Variants in ERI1 observed in about 807,000 individuals in gnomAD.
ERI1 encodes the protein exoribonuclease 1.
In ERI1, 39 loss-of-function variants were observed where a neutral mutation model predicts 39.7. That is an observed-to-expected ratio of 0.98 (90% CI 0.76 to 1.28). The LOEUF is 1.28. ERI1 is among the 50% of genes most tolerant of loss of function. The pLI is 0.00. For synonymous variants in ERI1, 204 were observed against 149.6 expected (o/e 1.36, Z -2.65); for missense variants, 581 against 416.9 (o/e 1.39, Z -3.43).
At chr8:9,039,334 A>G (rs1482441711) in intron 3 of ERI1, among the ~76,000 whole-genome samples, 1 of 152,214 alleles carries the variant, frequency 6.6e-6, no homozygotes, top group Non-Finnish European at 1.5e-5. Flanking sequence ...TCATTTCATG[A>G]TACATGTTCA....
intron 3 of ERI1, among the ~76,000 whole-genome samples, chr8:9,084,214 T>G (rs1799457457): frequency 6.6e-6 from 1 of 152,120 alleles, no homozygotes; most frequent in Admixed American, 6.5e-5. Context: ...GCAGTGAGCT[T>G]TCGTGGCATT....
At chr8:9,047,872 T>C (rs544580589) in intron 3 of ERI1, among the ~76,000 whole-genome samples, 92 of 152,218 alleles carry the variant, frequency 6.0e-4, no homozygotes, top group Non-Finnish European at 1.1e-3. Flanking sequence ...GGTGCACGAG[T>C]GCACACACGC....
At chr8:9,035,063 G>T (rs1429193477), downstream of ERI1, among the ~76,000 whole-genome samples, 1 of 152,234 alleles carries the variant, frequency 6.6e-6, no homozygotes, top group East Asian at 1.9e-4. Flanking sequence ...GGAAGCTGCA[G>T]AAGAAAAATT....
intron 3 of ERI1, among the ~76,000 whole-genome samples, chr8:9,055,269 T>C (rs1310133661): frequency 6.6e-6 from 1 of 152,340 alleles, no homozygotes; most frequent in Non-Finnish European, 1.5e-5. Flanking sequence ...AACTCAGTGA[T>C]TGGCACAAGA....
At chr8:9,063,260 G>A (rs1398769089) in intron 3 of ERI1, among the ~76,000 whole-genome samples, 2 of 152,138 alleles carry the variant, frequency 1.3e-5, no homozygotes, top group East Asian at 1.9e-4. Flanking sequence ...GCCATGAACT[G>A]GGCTGGGTTT....
intron 3 of ERI1, among the ~76,000 whole-genome samples, chr8:9,095,489 TTG>T (rs1218931838): frequency 9.4e-6 from 1 of 106,122 alleles, no homozygotes; most frequent in Non-Finnish European, 2.2e-5. Context: ...TCTTTTGTTG[TTG>T]TTGTTTGTTT....
chr8:9,033,479 C>G (rs999693901), downstream of ERI1: 1 of 152,148 alleles, frequency 6.6e-6, no homozygotes, highest in Admixed American at 6.5e-5. Context: ...GAAAGTTTGC[C>G]TACCCTTACC....
At chr8:9,082,803 G>GAGAT in intron 3 of ERI1, among the ~76,000 whole-genome samples, 1 of 152,298 alleles carries the variant, frequency 6.6e-6, no homozygotes, top group Middle Eastern at 3.4e-3. Context: ...AGTGAATGAT[G>GAGAT]AGATGCCCGA....
At position 9,044,990 on chromosome 8, in the gene ERI1, C is replaced by T. The variant is rs576156554; in HGVS notation, n.299+24526C>T. 3.9e-5 allele frequency among the ~76,000 whole-genome samples: 6 copies of T among 152,226 alleles called. 1 individual carries two copies. Among genetic ancestry groups the T allele is most frequent in the African/African-American group, 1.2e-4 (5 of 41,546 alleles). ...TGGTGGCTCAAGCCTGTAATCCCAGCACTTTGGGAGGCCGAGTCAGGCGGA... is the reference window on the plus strand; with the variant it reads ...TGGTGGCTCAAGCCTGTAATCCCAGTACTTTGGGAGGCCGAGTCAGGCGGA... On this transcript the variant is annotated intron_variant and non_coding_transcript_variant, in intron 3 of 3. Transcript: ENST00000518663.
intron 3 of ERI1, among the ~76,000 whole-genome samples, chr8:9,014,765 C>T (rs564513373): frequency 1.3e-5 from 2 of 152,226 alleles, no homozygotes; most frequent in African/African-American, 4.8e-5. Flanking sequence ...CTGTGATATG[C>T]AGTTAAGTGG....
chr8:9,032,973 T>G lies in ERI1; in HGVS notation c.*2939T>G, dbSNP rs1294695197. ...CTCCTCGAGACCAGAGACTGTGACT[T>G]CTGCATCTTTGATTCCAGCGACATA... On this transcript the variant is annotated 3_prime_UTR_variant, in exon 7 of 7. Coordinates refer to ENST00000250263, the MANE Select transcript of ERI1 (RefSeq NM_153332.4). The G allele has an allele frequency of 2.0e-5, 3 of 152,250 alleles. No homozygotes were observed. The highest frequency in any genetic ancestry group is 7.2e-5 in the African/African-American group (3 of 41,470). The allele number at this position is 152,250 out of a possible 1,614,324, so 9.4% of individuals were successfully genotyped here. A position where few individuals can be genotyped will look rare whatever the true frequency, so the allele number is the denominator to read the frequency against.
At chr8:9,049,819 G>T (rs1419774261) in intron 3 of ERI1, 1 of 152,190 alleles carries the variant, frequency 6.6e-6, no homozygotes, top group Non-Finnish European at 1.5e-5. Context: ...AGACATCAAC[G>T]GAGAGATAAC....
At chr8:9,017,439 G>C (rs1345569163) in intron 4 of ERI1, among the ~76,000 whole-genome samples, 1 of 152,146 alleles carries the variant, frequency 6.6e-6, no homozygotes, top group Admixed American at 6.5e-5. Flanking sequence ...GTGTATTTGA[G>C]TGCCTACTAT....
intron 3 of ERI1, among the ~76,000 whole-genome samples, chr8:9,082,221 A>G (rs2117453825): frequency 6.6e-6 from 1 of 151,834 alleles, no homozygotes. Context: ...ATGTCCTAAG[A>G]CTCTTGTTTT....
At chr8:9,056,904 T>A (rs1044738341) in intron 3 of ERI1, among the ~76,000 whole-genome samples, 16 of 151,532 alleles carry the variant, frequency 1.1e-4, no homozygotes, top group African/African-American at 3.9e-4. Context: ...CAAGATCTCG[T>A]CTCACTGTAA....
intron 1 of ERI1, chr8:9,004,161 C>A: frequency 7.8e-7 from 1 of 1,288,998 alleles, no homozygotes; most frequent in Non-Finnish European, 1.0e-6. Flanking sequence ...TGTGCACTTC[C>A]TTTGGATCCT....
intron 3 of ERI1, among the ~76,000 whole-genome samples, chr8:9,083,363 G>A (rs749010345): frequency 6.6e-6 from 1 of 152,100 alleles, no homozygotes; most frequent in African/African-American, 2.4e-5. Flanking sequence ...AAAGCATACC[G>A]TAACAAGAGA....
chr8:9,098,613 G>A (rs759692918), intron 3 of ERI1, among the ~76,000 whole-genome samples: 4 of 151,924 alleles, frequency 2.6e-5, no homozygotes, highest in Non-Finnish European at 5.9e-5. Context: ...CTACACCTTG[G>A]GTACAGTGTA....
At chr8:9,066,756 G>C (rs978962571) in intron 3 of ERI1, among the ~76,000 whole-genome samples, 1 of 152,136 alleles carries the variant, frequency 6.6e-6, no homozygotes, top group Admixed American at 6.5e-5. Context: ...CCACTGCAGA[G>C]ACTAAAATGT....
Sources: allele counts gnomAD v4.1 joint callset (sites outside exome capture counted in the v4.1 genomes callset), GRCh38; gene constraint gnomAD v4.1.1; transcripts MANE v1.5; gene names NCBI Gene and HGNC (gene_info 2026-07-23, HGNC 2026-07-21).